Variants in RAD51 observed in about 807,000 individuals in gnomAD.
The protein encoded by RAD51 is RAD51 recombinase, also known as DNA repair protein RAD51 homolog 1.
RAD51 carries 14 observed loss-of-function variants against 41.5 expected under a neutral mutation model. That is an observed-to-expected ratio of 0.34 (90% CI 0.22 to 0.53). The LOEUF is 0.53. RAD51 is among the 20% of genes least tolerant of loss of function. RAD51 has a pLI of 0.95. For missense variants in RAD51, 234 were observed against 422.0 expected (o/e 0.55, Z 3.90); for synonymous variants, 136 against 148.6 (o/e 0.92, Z 0.62).
chr15:40,706,417 C>T (rs1024706026), intron 4 of RAD51, 123 bp downstream of exon 4: 12 of 878,518 alleles, frequency 1.4e-5, no homozygotes, highest in East Asian at 7.9e-5. Flanking sequence ...TAGAGGAAGG[C>T]CAGGTGCAGT....
At chr15:40,707,040 G>T (rs1017372398) in intron 4 of RAD51, among the ~76,000 whole-genome samples, 2 of 152,018 alleles carry the variant, frequency 1.3e-5, no homozygotes, top group Non-Finnish European at 2.9e-5. Context: ...ACCCAGGCTG[G>T]AGTGCAGTGG....
chr15:40,706,401 A>T, intron 4 of RAD51, 107 bp downstream of exon 4: 1 of 1,000,850 alleles, frequency 1.0e-6, no homozygotes, highest in Non-Finnish European at 1.6e-6. Context: ...GATAATGATA[A>T]AGAGATAGAG....
rs956050658 is a variant in RAD51, at chr15:40,709,415, C to T, written c.435+299C>T. On this transcript the variant is annotated intron_variant, in intron 5 of 9. Transcript: ENST00000267868. ...TTTTTGAGGCAGAATCTCGCTGTGT[C>T]GCCCAGGCTGAAGTACAGTGGTGTG... Among the ~76,000 whole-genome samples, 4 of 132,450 alleles carry T rather than the reference C, an allele frequency of 3.0e-5. No homozygotes were observed. The South Asian group carries it at 7.0e-4, about 23-fold the overall frequency. 86.9% of individuals were successfully genotyped at this position (132,450 alleles called of 152,430 possible). A position where few individuals can be genotyped will look rare whatever the true frequency, so the allele number is the denominator to read the frequency against.
intron 5 of RAD51, among the ~76,000 whole-genome samples, chr15:40,717,457 A>G (rs1896046398): frequency 6.6e-6 from 1 of 152,210 alleles, no homozygotes; most frequent in African/African-American, 2.4e-5. Context: ...TAGAGTAGAA[A>G]TTACCCTTTA....
intron 5 of RAD51, among the ~76,000 whole-genome samples, chr15:40,710,360 G>A (rs1185637241): frequency 1.3e-5 from 2 of 150,826 alleles, no homozygotes; most frequent in East Asian, 3.9e-4. Flanking sequence ...AAATTAGCTG[G>A]GCGTGTTGGC....
rs769859434 is a variant in RAD51, at chr15:40,729,836, T to C, written c.775-17T>C. 6.2e-7 allele frequency: 1 copy of C among 1,614,204 alleles called. No homozygotes were observed. Among genetic ancestry groups the C allele is most frequent in the South Asian group, 1.1e-5 (1 of 91,086 alleles). On this transcript the variant is annotated splice_polypyrimidine_tract_variant and intron_variant, in intron 8 of 9. Coordinates refer to ENST00000267868, the MANE Select transcript of RAD51 (RefSeq NM_002875.5). ...TGTCTATGGCCACAAAATTGACATT[T>C]ATCCTTTCCCCATCAGTTTGGTGTA...
At chr15:40,718,654 T>C (rs1375686916) in intron 5 of RAD51, 151 bp from the exon 6 acceptor site, 10 of 695,308 alleles carry the variant, frequency 1.4e-5, no homozygotes, top group Non-Finnish European at 2.6e-5. Context: ...TTTCTATTAA[T>C]ATCAGAAGGG....
chr15:40,706,705 AC>A (rs1895364977), intron 4 of RAD51, among the ~76,000 whole-genome samples: 8 of 152,110 alleles, frequency 5.3e-5, no homozygotes, highest in East Asian at 1.9e-4. Flanking sequence ...TGTCTCAAAA[AC>A]AAAGAGAGAT....
Position 40,701,068 on chromosome 15 carries a change from G to T in RAD51, c.92G>T (p.Cys31Phe). The T allele has an allele frequency of 6.2e-7, 1 of 1,614,224 alleles. No individual in the cohort carries two copies. Among genetic ancestry groups the T allele is most frequent in the Non-Finnish European group, 8.5e-7 (1 of 1,180,044 alleles). ...GPQPISRLEQ[C>F]GINANDVKKL... is the part of the protein sequence containing the mutation. ...CATGGTTTTCTTCATTTGCAGCAGT[G>T]TGGCATAAATGCCAACGATGTGAAG... is the stretch of plus-strand genomic sequence containing the variant. Residue 31 changes from cysteine (C) to phenylalanine (F), a missense_variant, in exon 3 of 10, where the codon TGT (cysteine) becomes TTT (phenylalanine). Around this residue, in one of 2 missense-constraint regions of RAD51, gnomAD observed 100 missense variants for 135.5 expected, o/e 0.74. Coordinates refer to ENST00000267868, the MANE Select transcript of RAD51 (RefSeq NM_002875.5).
intron 1 of RAD51, among the ~76,000 whole-genome samples, chr15:40,697,669 C>T (rs1167683214): frequency 6.6e-6 from 1 of 150,524 alleles, no homozygotes; most frequent in Non-Finnish European, 1.5e-5. Context: ...GCTCCGCCTC[C>T]TGGGTTCACG....
Position 40,712,581 on chromosome 15 carries a change from G to T in RAD51, c.435+3465G>T, listed in dbSNP as rs1037798491. Among the ~76,000 whole-genome samples the T allele has an allele frequency of 2.0e-5, 3 of 152,242 alleles. No homozygotes were observed. In the East Asian group the frequency reaches 5.8e-4, roughly 29 times the overall value. On this transcript the variant is annotated intron_variant, in intron 5 of 9. Transcript: ENST00000267868. ...GAGTCTTAATGTTCTCTGGCTTTAA[G>T]GATGTGCTGCATAAGTGGCCAGTCC...
intron 5 of RAD51, among the ~76,000 whole-genome samples, chr15:40,714,298 G>A (rs959042425): frequency 2.0e-5 from 3 of 152,190 alleles, no homozygotes; most frequent in Non-Finnish European, 1.5e-5. Context: ...GGGAATTAGG[G>A]CTGTTTAAAA....
chr15:40,729,844 C>A lies in RAD51; in HGVS notation c.775-9C>A, dbSNP rs200291527. The A allele has an allele frequency of 6.2e-7, 1 of 1,614,130 alleles. No individual in the cohort carries two copies. Among genetic ancestry groups the A allele is most frequent in the East Asian group, 2.2e-5 (1 of 44,880 alleles). On this transcript the variant is annotated splice_polypyrimidine_tract_variant and intron_variant, in intron 8 of 9. Transcript: ENST00000267868. Reference sequence around the variant, plus strand: ...GCCACAAAATTGACATTTATCCTTTCCCCATCAGTTTGGTGTAGCAGTGGT... The same window carrying A: ...GCCACAAAATTGACATTTATCCTTTACCCATCAGTTTGGTGTAGCAGTGGT...
At chr15:40,697,959 G>A (rs1595974528) in intron 1 of RAD51, among the ~76,000 whole-genome samples, 2 of 152,256 alleles carry the variant, frequency 1.3e-5, no homozygotes, top group Middle Eastern at 3.4e-3. Context: ...TTTGTGATGA[G>A]AACATTCAAA....
At chr15:40,702,608 T>G (rs1379722394) in intron 3 of RAD51, among the ~76,000 whole-genome samples, 2 of 152,022 alleles carry the variant, frequency 1.3e-5, no homozygotes, top group Non-Finnish European at 2.9e-5. Context: ...ACCTCTGCCT[T>G]CCGGGTTCAA....
chr15:40,727,327 G>C (rs1896637935), intron 6 of RAD51, among the ~76,000 whole-genome samples: 1 of 151,780 alleles, frequency 6.6e-6, no homozygotes, highest in Admixed American at 6.6e-5. Flanking sequence ...GTTTGTTTTT[G>C]AGACAGAGTC....
intron 6 of RAD51, among the ~76,000 whole-genome samples, chr15:40,725,852 A>G (rs977176588): frequency 1.2e-4 from 18 of 152,210 alleles, no homozygotes; most frequent in African/African-American, 4.3e-4. Context: ...TGGGCATGTT[A>G]GCGGGCACCT....
intron 5 of RAD51, among the ~76,000 whole-genome samples, chr15:40,710,347 C>G (rs1039080590): frequency 7.8e-5 from 10 of 127,620 alleles, no homozygotes; most frequent in African/African-American, 3.0e-4. Flanking sequence ...ACTAAAAATA[C>G]AAAAATTAGC....
At chr15:40,701,276 C>T in intron 3 of RAD51, 75 bp downstream of exon 3, 1 of 1,505,350 alleles carries the variant, frequency 6.6e-7, no homozygotes, top group Non-Finnish European at 9.2e-7. Context: ...AAGACTTCTT[C>T]CTTCTATCTC....
Sources: allele counts gnomAD v4.1 joint callset (sites outside exome capture counted in the v4.1 genomes callset), GRCh38; gene constraint gnomAD v4.1.1; regional missense constraint gnomAD v4.1.1; transcripts MANE v1.5; gene names NCBI Gene and HGNC (gene_info 2026-07-23, HGNC 2026-07-21).